The following EFCAB11 variants were observed in gnomAD, a reference collection of about 807,000 sequenced individuals.
The protein encoded by EFCAB11 is EF-hand calcium-binding domain-containing protein 11.
EFCAB11 carries 14 observed loss-of-function variants against 23.0 expected under a neutral mutation model. That is an observed-to-expected ratio of 0.61 (90% CI 0.40 to 0.95). The LOEUF (loss-of-function observed/expected upper bound fraction) is 0.95, where lower values mean the gene tolerates loss of function less well. EFCAB11 is among the 40% of genes least tolerant of loss of function. EFCAB11 has a pLI of 0.00. For missense variants in EFCAB11, 198 were observed against 195.8 expected (o/e 1.01, Z -0.07); for synonymous variants, 65 against 66.6 (o/e 0.98, Z 0.11).
chr14:89,934,552 G>A (rs74958523), intron 3 of EFCAB11, among the ~76,000 whole-genome samples: 3,252 of 152,190 alleles, frequency 0.021, 112 homozygotes, highest in African/African-American at 0.073. Flanking sequence ...GGAGGTGGCC[G>A]GCTGTCTTCT....
At chr14:89,910,185 G>A (rs1378072210) in intron 5 of EFCAB11, among the ~76,000 whole-genome samples, 1 of 152,206 alleles carries the variant, frequency 6.6e-6, no homozygotes, top group East Asian at 1.9e-4. Flanking sequence ...GAATAAAAGA[G>A]CACAGGGAAA....
At chr14:89,840,322 A>G (rs1040609080) in intron 5 of EFCAB11, among the ~76,000 whole-genome samples, 4 of 152,194 alleles carry the variant, frequency 2.6e-5, no homozygotes, top group African/African-American at 9.7e-5. Flanking sequence ...GAGATATTTT[A>G]TTTTACAATT....
intron 5 of EFCAB11, among the ~76,000 whole-genome samples, chr14:89,847,270 C>T (rs1222813153): frequency 4.6e-5 from 7 of 152,160 alleles, no homozygotes; most frequent in African/African-American, 1.7e-4. Flanking sequence ...CTTACCTCAC[C>T]TTCAAATTCA....
chr14:89,848,894 T>C (rs1307209080), intron 5 of EFCAB11: 2 of 152,158 alleles, frequency 1.3e-5, no homozygotes, highest in Non-Finnish European at 2.9e-5. Flanking sequence ...ACCATTGCAC[T>C]CCAGCCTGGG....
chr14:89,929,506 C>G (rs1330926752), intron 5 of EFCAB11, among the ~76,000 whole-genome samples: 6 of 152,182 alleles, frequency 3.9e-5, no homozygotes, highest in Non-Finnish European at 5.9e-5. Flanking sequence ...CCTGCTTCAG[C>G]TTCCCGAGTA....
At chr14:89,905,132 C>T (rs1423504593) in intron 5 of EFCAB11, among the ~76,000 whole-genome samples, 1 of 152,144 alleles carries the variant, frequency 6.6e-6, no homozygotes, top group Admixed American at 6.5e-5. Flanking sequence ...AAACAATCTA[C>T]CACTGTATCC....
At chr14:89,827,715 C>T (rs1195516041) in intron 5 of EFCAB11, among the ~76,000 whole-genome samples, 6 of 149,790 alleles carry the variant, frequency 4.0e-5, no homozygotes, top group African/African-American at 7.4e-5. Flanking sequence ...CTCATTGTAC[C>T]CTCCGCCTCC....
intron 3 of EFCAB11, among the ~76,000 whole-genome samples, chr14:89,934,705 A>AC (rs1444575487): frequency 6.6e-6 from 1 of 152,176 alleles, no homozygotes; most frequent in East Asian, 1.9e-4. Flanking sequence ...TTATCTAATT[A>AC]CCCTTGTGAC....
chr14:89,885,502 C>T (rs181311965), intron 5 of EFCAB11, among the ~76,000 whole-genome samples: 17 of 151,894 alleles, frequency 1.1e-4, no homozygotes, highest in Admixed American at 9.8e-4. Flanking sequence ...CATGGTGAAA[C>T]CCCATCTCTA....
At chr14:89,937,154 G>A (rs996990198) in intron 3 of EFCAB11, among the ~76,000 whole-genome samples, 1 of 152,166 alleles carries the variant, frequency 6.6e-6, no homozygotes, top group African/African-American at 2.4e-5. Flanking sequence ...TTATTAATAT[G>A]TCTGCAGAAG....
At chr14:89,886,513 G>T (rs1288643620) in intron 5 of EFCAB11, among the ~76,000 whole-genome samples, 3 of 70,532 alleles carry the variant, frequency 4.3e-5, no homozygotes, top group African/African-American at 6.4e-5. Context: ...GCGAAACTCC[G>T]TCTCAAAAAA....
intron 5 of EFCAB11, among the ~76,000 whole-genome samples, chr14:89,870,939 C>CAAAACAAAAACA (rs546217128): frequency 3.3e-5 from 5 of 152,160 alleles, no homozygotes; most frequent in Admixed American, 2.0e-4. Context: ...GATTTTGTCT[C>CAAAACAAAAACA]AAAACAAAAA....
chr14:89,840,341 G>C (rs1432824158), intron 5 of EFCAB11, among the ~76,000 whole-genome samples: 5 of 152,156 alleles, frequency 3.3e-5, no homozygotes, highest in Non-Finnish European at 7.4e-5. Flanking sequence ...TTGCAATGAA[G>C]AAATTGTTTT....
chr14:89,866,275 C>T (rs1888089333), intron 5 of EFCAB11, among the ~76,000 whole-genome samples: 1 of 152,232 alleles, frequency 6.6e-6, no homozygotes, highest in South Asian at 2.1e-4. Context: ...CCCTTCTGTT[C>T]CCTTCAGATC....
intron 5 of EFCAB11, among the ~76,000 whole-genome samples, chr14:89,912,251 G>A (rs1197763136): frequency 6.6e-6 from 1 of 152,076 alleles, no homozygotes; most frequent in Non-Finnish European, 1.5e-5. Flanking sequence ...AAAAAATCCT[G>A]AACTTTATTG....
chr14:89,830,583 T>C (rs1189563335), intron 5 of EFCAB11: 2 of 152,234 alleles, frequency 1.3e-5, no homozygotes, highest in East Asian at 3.8e-4. Context: ...CCTTATAGGA[T>C]GTAATATAAA....
chr14:89,859,163 A>G (rs1887845519), intron 5 of EFCAB11, among the ~76,000 whole-genome samples: 1 of 152,234 alleles, frequency 6.6e-6, no homozygotes, highest in Non-Finnish European at 1.5e-5. Flanking sequence ...GAATTTTATC[A>G]GATCTGGTGG....
chr14:89,865,532 G>T (rs1888060442), intron 5 of EFCAB11, among the ~76,000 whole-genome samples: 1 of 152,040 alleles, frequency 6.6e-6, no homozygotes, highest in South Asian at 2.1e-4. Context: ...TTTTGAGATT[G>T]GGTCCAATGC....
At chr14:89,851,403 A>G (rs1232225486) in intron 5 of EFCAB11, among the ~76,000 whole-genome samples, 2 of 152,202 alleles carry the variant, frequency 1.3e-5, no homozygotes, top group African/African-American at 2.4e-5. Flanking sequence ...AGTTCACAAA[A>G]AGAGAGAAAA....
Sources: allele counts gnomAD v4.1 joint callset (sites outside exome capture counted in the v4.1 genomes callset), GRCh38; gene constraint gnomAD v4.1.1; transcripts MANE v1.5; gene names NCBI Gene and HGNC (gene_info 2026-07-23, HGNC 2026-07-21).